Variants in TOMM70 observed in about 807,000 individuals in gnomAD.
TOMM70 encodes the protein mitochondrial import receptor subunit TOM70.
Under a neutral mutation model 73.6 loss-of-function variants are expected in TOMM70, and 13 were observed. The observed-to-expected ratio is 0.18, with a 90% confidence interval of 0.11 to 0.28. The LOEUF is 0.28. Ranked by LOEUF, TOMM70 falls within the 10% of genes least tolerant of loss-of-function variation. TOMM70 has a pLI of 1.00. For missense variants in TOMM70, 609 were observed against 747.5 expected (o/e 0.81, Z 2.16); for synonymous variants, 257 against 271.2 (o/e 0.95, Z 0.51).
intron 2 of TOMM70, 85 bp downstream of exon 2, chr3:100,386,720 T>C: frequency 6.9e-7 from 1 of 1,450,324 alleles, no homozygotes; most frequent in South Asian, 1.3e-5. Context: ...AAAAATGTAT[T>C]AGGTTTATTT....
chr3:100,371,470 C>T (rs1242272977), intron 9 of TOMM70, among the ~76,000 whole-genome samples: 3 of 144,980 alleles, frequency 2.1e-5, no homozygotes, highest in African/African-American at 8.1e-5. Flanking sequence ...TTTCTCCATG[C>T]TGGCCAGGCT....
intron 6 of TOMM70, among the ~76,000 whole-genome samples, chr3:100,375,882 A>G (rs1706557879): frequency 6.6e-6 from 1 of 152,150 alleles, no homozygotes; most frequent in Non-Finnish European, 1.5e-5. Flanking sequence ...TCTCTTGGGT[A>G]TATACCTAGG....
intron 1 of TOMM70, among the ~76,000 whole-genome samples, chr3:100,397,870 CAG>C (rs546026569): frequency 3.8e-4 from 57 of 151,336 alleles, no homozygotes; most frequent in African/African-American, 1.3e-3. Flanking sequence ...GCCTGGGTGA[CAG>C]AGTGAGACTC....
intron 1 of TOMM70, among the ~76,000 whole-genome samples, chr3:100,393,233 G>A (rs964329546): frequency 2.0e-5 from 3 of 150,668 alleles, no homozygotes; most frequent in African/African-American, 4.9e-5. Context: ...TAAAAGTGTA[G>A]TATATATACC....
chr3:100,390,876 A>C (rs957341392), intron 1 of TOMM70, among the ~76,000 whole-genome samples: 3 of 152,220 alleles, frequency 2.0e-5, no homozygotes, highest in East Asian at 1.9e-4. Context: ...GCGGCGGCTC[A>C]CGCTTGTAAT....
chr3:100,395,675 C>CAT (rs57203806), intron 1 of TOMM70, among the ~76,000 whole-genome samples: 17,105 of 151,902 alleles, frequency 0.11, 1,459 homozygotes, highest in African/African-American at 0.24. Context: ...TACACACACA[C>CAT]ATATATAAAA....
chr3:100,389,821 T>C (rs1199926508), intron 1 of TOMM70, among the ~76,000 whole-genome samples: 1 of 151,970 alleles, frequency 6.6e-6, no homozygotes, highest in Non-Finnish European at 1.5e-5. Context: ...GCGGGTGGAT[T>C]ACCTCAGGTC....
At chr3:100,374,773 G>T (rs900391120) in intron 7 of TOMM70, among the ~76,000 whole-genome samples, 1 of 152,084 alleles carries the variant, frequency 6.6e-6, no homozygotes, top group Non-Finnish European at 1.5e-5. Context: ...AAACAAACTT[G>T]AACTGGTAAG....
chr3:100,372,656 C>T lies in TOMM70; in HGVS notation c.1402G>A (p.Val468Ile). 6.2e-7 allele frequency: 1 copy of T among 1,614,092 alleles called. No homozygotes were observed. The highest frequency in any genetic ancestry group is 8.5e-7 in the Non-Finnish European group (1 of 1,179,994). Residue 468 changes from valine (V) to isoleucine (I), a missense_variant, in exon 9 of 12, where the codon GTC becomes ATC. By Grantham distance (29) the Val-to-Ile change is conservative. This residue lies in a region of TOMM70 where 432 missense variants were observed against 584.1 expected (regional missense o/e 0.74). Coordinates refer to ENST00000284320, the MANE Select transcript of TOMM70 (RefSeq NM_014820.5). ...IQAAMKGFEE[V>I]IKKFPRCAEG... Reference sequence around the variant, plus strand: ...GCACACCTTGGAAATTTCTTTATGACCTCTTCAAAACCTTTCATAGCTGCT... The same window carrying T: ...GCACACCTTGGAAATTTCTTTATGATCTCTTCAAAACCTTTCATAGCTGCT...
rs754836393 is a variant in TOMM70 at position 100,375,159 on chromosome 3, ACC to A, written c.1093-9_1093-8del. The A allele has an allele frequency of 6.0e-5, 94 of 1,564,368 alleles. No individual in the cohort carries two copies. The African/African-American group carries it at 1.1e-3, about 19-fold the overall frequency. ...TGAGAGCATTTGCTCGAAGCTATAT[ACC>A]CCAAGTGAGGAAAGGTTCATCATTA... On this transcript the variant is annotated splice_polypyrimidine_tract_variant and splice_region_variant and intron_variant, in intron 6 of 11. Coordinates refer to ENST00000284320, the MANE Select transcript of TOMM70 (RefSeq NM_014820.5).
At chr3:100,372,567 G>A in intron 9 of TOMM70, 39 bp downstream of exon 9, 1 of 1,463,192 alleles carries the variant, frequency 6.8e-7, no homozygotes. Context: ...TTTGGCATAT[G>A]TATGCAGTTA....
At chr3:100,374,995 T>C (rs372893004) in intron 7 of TOMM70, 23 bp downstream of exon 7, 1 of 1,562,620 alleles carries the variant, frequency 6.4e-7, no homozygotes, top group Non-Finnish European at 8.7e-7. Context: ...AAGTCAGACC[T>C]CTAGGTAAGA....
At chr3:100,372,514 G>A (rs1706521741) in intron 9 of TOMM70, 92 bp downstream of exon 9, 2 of 1,017,192 alleles carry the variant, frequency 2.0e-6, no homozygotes, top group Admixed American at 4.5e-5. Context: ...TTCCAAAGAA[G>A]CTGCAACCAT....
intron 1 of TOMM70, 68 bp from the exon 2 acceptor site, chr3:100,387,046 C>T (rs1706699923): frequency 6.7e-7 from 1 of 1,499,272 alleles, no homozygotes; most frequent in Non-Finnish European, 9.1e-7. Flanking sequence ...AGTAATTAAA[C>T]AATAAATTGA....
intron 1 of TOMM70, among the ~76,000 whole-genome samples, chr3:100,398,246 T>C (rs1706847126): frequency 6.6e-6 from 1 of 151,862 alleles, no homozygotes; most frequent in South Asian, 2.1e-4. Context: ...TAGCCAGGCA[T>C]GGTGGCGCAT....
intron 1 of TOMM70, among the ~76,000 whole-genome samples, chr3:100,394,404 A>G (rs1435351265): frequency 1.4e-5 from 2 of 143,388 alleles, no homozygotes; most frequent in Non-Finnish European, 3.0e-5. Flanking sequence ...TCTGTCGCCC[A>G]GGGGGGCACG....
At position 100,369,047 on chromosome 3, in the gene TOMM70, A is replaced by G. The variant is rs1706479823; in HGVS notation, c.1541T>C (p.Val514Ala). ...DLEPDNATTY[V>A]HKGLLQLQWK... is the part of the protein sequence containing the mutation. ...TCACAAAAATACATACCCTTTATGA[A>G]CATATGTTGTAGCATTATCTGGTTC... Residue 514 changes from valine (V) to alanine (A), a missense_variant, in exon 10 of 12, where the codon GTT becomes GCT. Around this residue, in one of 2 missense-constraint regions of TOMM70, gnomAD observed 432 missense variants for 584.1 expected, o/e 0.74. Transcript: ENST00000284320. The G allele has an allele frequency of 1.2e-6, 2 of 1,600,706 alleles. No individual in the cohort carries two copies. The highest frequency in any genetic ancestry group is 1.7e-6 in the Non-Finnish European group (2 of 1,169,730).
In TOMM70 at chr3:100,365,279, A is replaced by G; in HGVS notation, c.*285T>C. On this transcript the variant is annotated 3_prime_UTR_variant, in exon 12 of 12. Transcript: ENST00000284320. ...AAAAAAAATCAACAAATCAGTTTTT[A>G]TTTGCATGGCCAATTATCATTTGTA... 1 of 316,360 alleles carries G rather than the reference A, an allele frequency of 3.2e-6. No individual in the cohort carries two copies. The highest frequency in any genetic ancestry group is 5.8e-6 in the Non-Finnish European group (1 of 172,086). 19.6% of individuals were successfully genotyped at this position (316,360 alleles called of 1,614,324 possible).
intron 1 of TOMM70, among the ~76,000 whole-genome samples, chr3:100,397,509 G>C (rs991012429): frequency 6.6e-6 from 1 of 152,054 alleles, no homozygotes; most frequent in African/African-American, 2.4e-5. Context: ...TTTTATTTGG[G>C]GCCAAAAATA....
Sources: allele counts gnomAD v4.1 joint callset (sites outside exome capture counted in the v4.1 genomes callset), GRCh38; gene constraint gnomAD v4.1.1; regional missense constraint gnomAD v4.1.1; transcripts MANE v1.5; gene names NCBI Gene and HGNC (gene_info 2026-07-23, HGNC 2026-07-21).